Variants in PHF20L1 observed in about 807,000 individuals in gnomAD.
The protein encoded by PHF20L1 is PHD finger protein 20 like 1, also known as PHD finger protein 20-like protein 1.
Under a neutral mutation model 125.5 loss-of-function variants are expected in PHF20L1, and 44 were observed. The observed-to-expected ratio is 0.35, with a 90% confidence interval of 0.28 to 0.45. PHF20L1 has a LOEUF of 0.45. PHF20L1 is among the 20% of genes least tolerant of loss of function. The probability of loss-of-function intolerance (pLI) is 1.00; values close to 1 mark genes in which losing one functional copy is unlikely to be tolerated. For missense variants in PHF20L1, 1,012 were observed against 1,217.2 expected (o/e 0.83, Z 2.51); for synonymous variants, 380 against 403.1 (o/e 0.94, Z 0.69).
intron 4 of PHF20L1, among the ~76,000 whole-genome samples, chr8:132,797,229 C>A (rs1009159946): frequency 1.3e-5 from 2 of 152,056 alleles, no homozygotes; most frequent in Non-Finnish European, 1.5e-5. Context: ...CTGCCCGCTC[C>A]CCACCTTGAC....
intron 4 of PHF20L1, 132 bp from the exon 5 acceptor site, chr8:132,798,640 C>T: frequency 1.8e-6 from 1 of 543,878 alleles, no homozygotes; most frequent in Non-Finnish European, 3.2e-6. Context: ...TTGATGGAGT[C>T]CTTAACAGGA....
At chr8:132,803,014 A>G (rs1490298699) in intron 6 of PHF20L1, among the ~76,000 whole-genome samples, 1 of 151,834 alleles carries the variant, frequency 6.6e-6, no homozygotes, top group Non-Finnish European at 1.5e-5. Flanking sequence ...GGAACACTTT[A>G]TACTTCCTTA....
chr8:132,788,147 T>G (rs1040267922), intron 2 of PHF20L1, among the ~76,000 whole-genome samples: 1 of 152,112 alleles, frequency 6.6e-6, no homozygotes, highest in African/African-American at 2.4e-5. Context: ...GAGAACATCC[T>G]TGTTCAGATA....
Position 132,848,666 on chromosome 8 carries a change from T to A in PHF20L1, c.*2743T>A, listed in dbSNP as rs1430697131. On this transcript the variant is annotated 3_prime_UTR_variant, in exon 21 of 21. Transcript: ENST00000395386. ...GTAATGTACTTCGAAAACAACTTGG[T>A]TATTCTTTAAATTTCAGGTAAAACC... is the stretch of plus-strand genomic sequence containing the variant. 6.6e-6 allele frequency: 1 copy of A among 152,344 alleles called. No individual in the cohort carries two copies. Among genetic ancestry groups the A allele is most frequent in the East Asian group, 1.9e-4 (1 of 5,196 alleles). The allele number at this position is 152,344 out of a possible 1,614,324, so 9.4% of individuals were successfully genotyped here. A position where few individuals can be genotyped will look rare whatever the true frequency, so the allele number is the denominator to read the frequency against.
chr8:132,838,670 G>A (rs946381186), intron 17 of PHF20L1: 6 of 152,144 alleles, frequency 3.9e-5, no homozygotes, highest in African/African-American at 1.4e-4. Context: ...ACAGTAAGAA[G>A]CAAGAGAATT....
chr8:132,842,587 T>C lies in PHF20L1; in HGVS notation c.2460T>C (p.Ala820=), dbSNP rs775462565. 5.0e-6 allele frequency: 8 copies of C among 1,612,626 alleles called. No individual in the cohort carries two copies. In the South Asian group the frequency reaches 7.7e-5, roughly 16 times the overall value. Residue 820 remains alanine, a synonymous_variant, in exon 19 of 21, where the codon GCT becomes GCC. Transcript: ENST00000395386. ...GKRKDQDQII[A]GVEKKIAQDT... is the part of the protein sequence containing the mutation. ...GAAAAGACCAAGATCAAATAATAGCTGGGGTGGAGAAAAAAATAGCTCAAG... is the reference window on the plus strand; with the variant it reads ...GAAAAGACCAAGATCAAATAATAGCCGGGGTGGAGAAAAAAATAGCTCAAG...
intron 18 of PHF20L1, chr8:132,841,585 T>C (rs1349808268): frequency 6.6e-6 from 1 of 152,134 alleles, no homozygotes; most frequent in Non-Finnish European, 1.5e-5. Context: ...GAATGCCCTT[T>C]CACTTCAGCT....
chr8:132,808,210 T>C (rs1476577789), intron 8 of PHF20L1: 1 of 152,322 alleles, frequency 6.6e-6, no homozygotes, highest in Admixed American at 6.5e-5. Context: ...AAGTATGCAT[T>C]TTAAAATCTA....
At chr8:132,823,671 G>A (rs1332190860) in intron 12 of PHF20L1, among the ~76,000 whole-genome samples, 1 of 151,858 alleles carries the variant, frequency 6.6e-6, no homozygotes, top group Admixed American at 6.6e-5. Context: ...AACTGCATGA[G>A]GTATACAGAC....
intron 14 of PHF20L1, among the ~76,000 whole-genome samples, chr8:132,831,222 T>A (rs6989647): frequency 0.62 from 93,733 of 151,522 alleles, 29,847 homozygotes; most frequent in African/African-American, 0.77. Context: ...TAAAACTTTT[T>A]AAAAAAAGCT....
chr8:132,803,274 G>A (rs1359150002), intron 6 of PHF20L1, among the ~76,000 whole-genome samples: 1 of 151,684 alleles, frequency 6.6e-6, no homozygotes, highest in African/African-American at 2.4e-5. Context: ...CTGAACTTCA[G>A]TAGCTTTAGA....
intron 15 of PHF20L1, 113 bp from the exon 16 acceptor site, chr8:132,836,427 C>G: frequency 1.5e-6 from 1 of 675,436 alleles, no homozygotes; most frequent in East Asian, 2.7e-5. Flanking sequence ...TGTTTGCTCC[C>G]CCTTTTTAAA....
chr8:132,829,727 GTAGCTTCCA>G (rs1836561033), intron 14 of PHF20L1, among the ~76,000 whole-genome samples: 1 of 152,072 alleles, frequency 6.6e-6, no homozygotes, highest in African/African-American at 2.4e-5. Context: ...TGTTAAGAGT[GTAGCTTCCA>G]TAGTCAGGCT....
intron 9 of PHF20L1, among the ~76,000 whole-genome samples, chr8:132,813,966 A>G (rs1350694237): frequency 1.3e-5 from 2 of 150,696 alleles, no homozygotes; most frequent in African/African-American, 4.9e-5. Flanking sequence ...TTTAACTTAC[A>G]CTTTATCTCT....
intron 15 of PHF20L1, among the ~76,000 whole-genome samples, chr8:132,833,761 G>A (rs1837037779): frequency 6.6e-6 from 1 of 152,134 alleles, no homozygotes; most frequent in Admixed American, 6.5e-5. Context: ...AAGAGCCATA[G>A]ATGTGTACTC....
intron 16 of PHF20L1, among the ~76,000 whole-genome samples, chr8:132,837,367 C>CT (rs372752426): frequency 4.6e-5 from 7 of 151,954 alleles, no homozygotes; most frequent in Admixed American, 4.6e-4. Flanking sequence ...CTGCTACCAA[C>CT]TTTTTTTTCC....
rs1403624362 is a variant in PHF20L1 at position 132,814,879 on chromosome 8, AAAT to A, written c.1176_1178del (p.Asn392del). The stretch of plus-strand genomic sequence containing the variant: ...TATCTCAGCTTTCTTCTTCAGTGAT[AAAT>A]AAAACTAGTGAGCACAGATTTTTAA... On this transcript the variant is annotated inframe_deletion, in exon 10 of 21. Coordinates refer to ENST00000395386, the MANE Select transcript of PHF20L1 (RefSeq NM_016018.5). 6.2e-7 allele frequency: 1 copy of A among 1,600,076 alleles called. No individual in the cohort carries two copies. Among genetic ancestry groups the A allele is most frequent in the East Asian group, 2.2e-5 (1 of 44,734 alleles).
chr8:132,844,504 C>T (rs542218562), intron 20 of PHF20L1, among the ~76,000 whole-genome samples, 186 bp downstream of exon 20: 2 of 152,078 alleles, frequency 1.3e-5, no homozygotes, highest in South Asian at 2.1e-4. Context: ...ACAATGTGAC[C>T]GGGTATGACC....
At position 132,832,416 on chromosome 8, in the gene PHF20L1, G is replaced by A. The variant is rs1280508177; in HGVS notation, c.1909+17G>A. On this transcript the variant is annotated intron_variant, in intron 15 of 20. Transcript: ENST00000395386. The stretch of plus-strand genomic sequence containing the variant: ...GTGGTGAAAGTATGTGTAACCATGT[G>A]ATGGTTAAAACAAGACTTACAATTC... 5 of 1,574,282 alleles carry A rather than the reference G, an allele frequency of 3.2e-6. No homozygotes were observed. Among genetic ancestry groups the A allele is most frequent in the East Asian group, 2.2e-5 (1 of 44,492 alleles).
Sources: gnomAD v4.1 joint callset for allele counts (sites outside exome capture counted in the v4.1 genomes callset) on GRCh38, gnomAD v4.1.1 for gene constraint, MANE v1.5 for transcripts, NCBI Gene and HGNC (gene_info 2026-07-23, HGNC 2026-07-21) for gene names.